PCDHA1: variants seen among roughly 807,000 people sequenced by gnomAD.
The protein encoded by PCDHA1 is protocadherin alpha-1.
A neutral mutation model predicts 61.3 loss-of-function variants in PCDHA1; 42 were observed. The ratio of observed to expected loss-of-function variants is 0.69; its 90% CI spans 0.54 to 0.89. The LOEUF (loss-of-function observed/expected upper bound fraction) is 0.89, where lower values mean the gene tolerates loss of function less well. Ranked by LOEUF, PCDHA1 falls within the 40% of genes least tolerant of loss-of-function variation. PCDHA1 has a pLI of 0.00. For missense variants in PCDHA1, 1,256 were observed against 1,235.3 expected (o/e 1.02, Z -0.25); for synonymous variants, 610 against 553.8 (o/e 1.10, Z -1.43).
At chr5:140,858,625 T>A (rs2045528405) in intron 1 of PCDHA1, 1 of 1,095,156 alleles carries the variant, frequency 9.1e-7, no homozygotes, top group South Asian at 1.7e-5. Flanking sequence ...CTACCCAGTG[T>A]GTCAGCCTTT....
intron 1 of PCDHA1, among the ~76,000 whole-genome samples, chr5:140,947,315 C>CGGTT (rs1443576978): frequency 4.0e-5 from 6 of 151,444 alleles, no homozygotes; most frequent in African/African-American, 1.5e-4. Flanking sequence ...TGTAAAAAGT[C>CGGTT]GGTTGACCAT....
rs1554140048 is a variant in PCDHA1, at chr5:140,843,414, T to G, written c.2394+54730T>G. 6 of 1,596,080 alleles carry G rather than the reference T, an allele frequency of 3.8e-6. 1 individual carries two copies. Among genetic ancestry groups the G allele is most frequent in the South Asian group, 1.1e-5 (1 of 90,504 alleles). On this transcript the variant is annotated intron_variant, in intron 1 of 3. Coordinates refer to ENST00000504120, the MANE Select transcript of PCDHA1 (RefSeq NM_018900.4). The stretch of plus-strand genomic sequence containing the variant: ...GAAGCGGCGCTGGTGGATGTCAACG[T>G]GTACCTGATCATCGCCATCTGCGCG...
intron 1 of PCDHA1, among the ~76,000 whole-genome samples, chr5:140,919,772 A>G (rs1421766938): frequency 6.6e-6 from 1 of 152,102 alleles, no homozygotes; most frequent in Non-Finnish European, 1.5e-5. Context: ...TATTACTGTT[A>G]CACATATTAC....
chr5:140,823,760 C>A, intron 1 of PCDHA1: 2 of 1,613,900 alleles, frequency 1.2e-6, no homozygotes, highest in Non-Finnish European at 1.7e-6. Flanking sequence ...ACAGCCACAG[C>A]CACAGTGCTG....
intron 1 of PCDHA1, among the ~76,000 whole-genome samples, chr5:140,887,432 C>G (rs2061445843): frequency 6.6e-6 from 1 of 152,120 alleles, no homozygotes; most frequent in Non-Finnish European, 1.5e-5. Flanking sequence ...AGTATTTTCA[C>G]TGGGCATAGT....
intron 1 of PCDHA1, among the ~76,000 whole-genome samples, chr5:140,831,853 C>T (rs143262235): frequency 6.6e-6 from 1 of 152,240 alleles, no homozygotes; most frequent in East Asian, 1.9e-4. Context: ...TGTCATAAAG[C>T]TTTAGTAAGT....
At chr5:140,890,237 A>G (rs1554184228) in intron 1 of PCDHA1, among the ~76,000 whole-genome samples, 1 of 152,154 alleles carries the variant, frequency 6.6e-6, no homozygotes, top group East Asian at 1.9e-4. Flanking sequence ...TTAAGCATTT[A>G]CCAGTACACT....
intron 1 of PCDHA1, chr5:140,851,772 A>G (rs1236960091): frequency 1.0e-6 from 1 of 968,722 alleles, no homozygotes; most frequent in Non-Finnish European, 1.2e-6. Context: ...ACCCTTATGA[A>G]TTTAGATGAG....
In PCDHA1 at chr5:140,788,670, G is replaced by A. The variant is rs1332112190; in HGVS notation, c.2380G>A (p.Asp794Asn). 1.3e-6 allele frequency: 2 copies of A among 1,566,214 alleles called. No homozygotes were observed. The change falls in exon 1 of 4, where the codon GAT (aspartate) becomes AAT (asparagine). Residue 794 changes from aspartate to asparagine, a missense_variant. Physicochemically the swap from Asp to Asn is conservative, Grantham distance 23. Coordinates refer to ENST00000504120, the MANE Select transcript of PCDHA1 (RefSeq NM_018900.4). ...ERNEQPEANL[D>N]LSGNPRQPNP... ...AAATGAACAACCAGAAGCAAATTTG[G>A]ATCTTTCTGGTAATGTAAGTCCAAC...
At chr5:140,934,029 T>A (rs1267400545) in intron 1 of PCDHA1, among the ~76,000 whole-genome samples, 1 of 152,114 alleles carries the variant, frequency 6.6e-6, no homozygotes, top group Admixed American at 6.5e-5. Flanking sequence ...GGAAGTAGTT[T>A]ATTAATGATA....
chr5:140,960,428 A>T (rs1317168418), intron 1 of PCDHA1, among the ~76,000 whole-genome samples: 3 of 152,178 alleles, frequency 2.0e-5, no homozygotes, highest in Non-Finnish European at 4.4e-5. Context: ...CAATTACTTG[A>T]TACTCTAGAT....
At chr5:140,988,989 G>C (rs981946293) in intron 3 of PCDHA1, 1 of 152,184 alleles carries the variant, frequency 6.6e-6, no homozygotes, top group Admixed American at 6.5e-5. Flanking sequence ...CTAATGCAGG[G>C]TAAGGAAATA....
chr5:140,917,338 G>GGGGGGGGGGGGGGGGGA (rs2078134893), intron 1 of PCDHA1, among the ~76,000 whole-genome samples: 1 of 137,894 alleles, frequency 7.3e-6, no homozygotes, highest in Non-Finnish European at 1.6e-5. Flanking sequence ...GGAGGGGGGG[G>GGGGGGGGGGGGGGGGGA]ATGGTGTAGG....
intron 1 of PCDHA1, among the ~76,000 whole-genome samples, chr5:140,913,794 T>A: frequency 6.6e-6 from 1 of 152,194 alleles, no homozygotes. Context: ...ATCATTTGTT[T>A]GAATCAAATT....
chr5:140,870,945 G>T, intron 1 of PCDHA1: 2 of 1,613,724 alleles, frequency 1.2e-6, no homozygotes, highest in Non-Finnish European at 1.7e-6. Flanking sequence ...AGCCGGCGGC[G>T]GGCGGCTCGC....
intron 1 of PCDHA1, among the ~76,000 whole-genome samples, chr5:140,895,936 G>A (rs1428112046): frequency 6.6e-6 from 1 of 151,984 alleles, no homozygotes; most frequent in Non-Finnish European, 1.5e-5. Context: ...TCAGCCTCCC[G>A]AGTAGCTGGG....
At chr5:140,901,942 T>C (rs1307043698) in intron 1 of PCDHA1, among the ~76,000 whole-genome samples, 4 of 152,128 alleles carry the variant, frequency 2.6e-5, no homozygotes, top group Non-Finnish European at 5.9e-5. Flanking sequence ...TAGGTATATT[T>C]AGTTTTATTC....
chr5:140,944,472 G>C (rs1554216383), intron 1 of PCDHA1, among the ~76,000 whole-genome samples: 2 of 152,220 alleles, frequency 1.3e-5, no homozygotes, highest in Non-Finnish European at 2.9e-5. Context: ...CAGGTATGAG[G>C]CACTGGACTG....
chr5:140,836,986 C>A, intron 1 of PCDHA1: 1 of 355,800 alleles, frequency 2.8e-6, no homozygotes, highest in East Asian at 4.9e-5. Context: ...TGGAGGAGGA[C>A]TTTGCTAACT....
Sources: gnomAD v4.1 joint callset for allele counts (sites outside exome capture counted in the v4.1 genomes callset) on GRCh38, gnomAD v4.1.1 for gene constraint, MANE v1.5 for transcripts, NCBI Gene and HGNC (gene_info 2026-07-23, HGNC 2026-07-21) for gene names.